The following MAF variants were observed in gnomAD, a reference collection of about 807,000 sequenced individuals.
MAF encodes MAF bZIP transcription factor, also known as transcription factor Maf.
A neutral mutation model predicts 22.0 loss-of-function variants in MAF; 10 were observed. That is an observed-to-expected ratio of 0.45 (90% confidence interval 0.28 to 0.77). The LOEUF is 0.77. Ranked by LOEUF, MAF falls within the 30% of genes least tolerant of loss-of-function variation. The pLI, the probability that MAF is intolerant of heterozygous loss-of-function variation, is 0.12. For synonymous variants in MAF, 337 were observed against 255.8 expected (o/e 1.32, Z -3.03); for missense variants, 544 against 548.4 (o/e 0.99, Z 0.08).
At chr16:79,400,169 A>G in the MAF span, among the ~76,000 whole-genome samples, 1 of 152,216 alleles carries the variant, frequency 6.6e-6, no homozygotes, top group East Asian at 1.9e-4. Context: ...AACATCCTAC[A>G]ATACACAGGG....
At chr16:79,374,277 G>A in the MAF span, among the ~76,000 whole-genome samples, 7 of 152,148 alleles carry the variant, frequency 4.6e-5, no homozygotes, top group East Asian at 1.9e-4. Context: ...TTTCCTCTCC[G>A]TTGCCTGAGC....
the MAF span, among the ~76,000 whole-genome samples, chr16:79,575,549 T>C: frequency 6.6e-6 from 1 of 152,266 alleles, no homozygotes; most frequent in Admixed American, 6.5e-5. Context: ...CAACCTCTGC[T>C]GAGGGTTTCA....
At chr16:79,442,718 T>C in the MAF span, among the ~76,000 whole-genome samples, 2 of 152,196 alleles carry the variant, frequency 1.3e-5, no homozygotes, top group African/African-American at 2.4e-5. Context: ...GGCTGAATCT[T>C]TTTCATATAA....
At chr16:79,228,740 G>A in the MAF span, among the ~76,000 whole-genome samples, 1 of 152,006 alleles carries the variant, frequency 6.6e-6, no homozygotes, top group African/African-American at 2.4e-5. Context: ...CACTTAGGCT[G>A]AGTTACAAGG....
chr16:79,346,081 G>A, the MAF span, among the ~76,000 whole-genome samples: 5,155 of 151,926 alleles, frequency 0.034, 279 homozygotes, highest in African/African-American at 0.12. Flanking sequence ...ACAATGTGCA[G>A]GTTTGTTACA....
chr16:79,251,216 G>C, the MAF span, among the ~76,000 whole-genome samples: 1 of 152,008 alleles, frequency 6.6e-6, no homozygotes, highest in Non-Finnish European at 1.5e-5. Flanking sequence ...TTGGAAATTT[G>C]GCCGCTGATT....
At chr16:79,360,464 C>T in the MAF span, among the ~76,000 whole-genome samples, 1 of 152,280 alleles carries the variant, frequency 6.6e-6, no homozygotes, top group Admixed American at 6.5e-5. Context: ...GTGCCAGTGC[C>T]GTCTCTGAGC....
the MAF span, among the ~76,000 whole-genome samples, chr16:79,397,030 G>A: frequency 1.3e-5 from 2 of 152,260 alleles, no homozygotes; most frequent in South Asian, 2.1e-4. Context: ...CTCTGAAGTC[G>A]GTTGACTCAT....
the MAF span, among the ~76,000 whole-genome samples, chr16:79,246,259 T>C: frequency 6.6e-6 from 1 of 152,080 alleles, no homozygotes; most frequent in South Asian, 2.1e-4. Flanking sequence ...CATTTTACAC[T>C]AAATCGTTAA....
chr16:79,429,673 C>A, the MAF span, among the ~76,000 whole-genome samples: 20 of 152,248 alleles, frequency 1.3e-4, 1 homozygote, highest in African/African-American at 3.9e-4. Context: ...TAAGCCTCCA[C>A]TCCCATGCAC....
the MAF span, among the ~76,000 whole-genome samples, chr16:79,319,795 T>C: frequency 3.3e-5 from 5 of 151,982 alleles, no homozygotes; most frequent in South Asian, 1.0e-3. Context: ...TATATTCCAG[T>C]TGAGGGAGAG....
the MAF span, among the ~76,000 whole-genome samples, chr16:79,409,070 A>T: frequency 1.3e-5 from 2 of 151,908 alleles, no homozygotes; most frequent in Non-Finnish European, 2.9e-5. Context: ...TGTGAACAGC[A>T]CCTGGAGTTG....
chr16:79,536,415 G>C, the MAF span, among the ~76,000 whole-genome samples: 2 of 152,192 alleles, frequency 1.3e-5, no homozygotes, highest in Non-Finnish European at 2.9e-5. Context: ...GGCCGAGGTG[G>C]GCAGATCACT....
chr16:79,299,353 A>AG, the MAF span, among the ~76,000 whole-genome samples: 1 of 151,118 alleles, frequency 6.6e-6, no homozygotes, highest in Non-Finnish European at 1.5e-5. Context: ...AAAAGAAAAA[A>AG]AAAAAAAAAG....
the MAF span, among the ~76,000 whole-genome samples, chr16:79,354,106 C>G: frequency 2.0e-5 from 3 of 152,236 alleles, no homozygotes; most frequent in Admixed American, 1.3e-4. Flanking sequence ...AGTAACCCCC[C>G]AGTTCAGCCT....
At chr16:79,465,428 C>T in the MAF span, among the ~76,000 whole-genome samples, 7 of 151,946 alleles carry the variant, frequency 4.6e-5, no homozygotes, top group Non-Finnish European at 1.0e-4. Flanking sequence ...CCAGTCTCTA[C>T]AAAAAATACA....
At chr16:79,219,423 C>T in the MAF span, among the ~76,000 whole-genome samples, 42 of 151,920 alleles carry the variant, frequency 2.8e-4, no homozygotes, top group African/African-American at 9.7e-4. Context: ...AGGTGGCGGG[C>T]GCCTGTAGTC....
chr16:79,297,944 T>G, the MAF span, among the ~76,000 whole-genome samples: 1 of 151,964 alleles, frequency 6.6e-6, no homozygotes. Flanking sequence ...GACCCAGGAG[T>G]TAATATTTGC....
the MAF span, among the ~76,000 whole-genome samples, chr16:79,472,827 G>C: frequency 1.3e-5 from 2 of 151,782 alleles, no homozygotes; most frequent in Non-Finnish European, 2.9e-5. Context: ...AAGAGAGAAA[G>C]AAAGAAAAAA....
Sources: allele counts gnomAD v4.1 joint callset (sites outside exome capture counted in the v4.1 genomes callset), GRCh38; gene constraint gnomAD v4.1.1; transcripts MANE v1.5; gene names NCBI Gene and HGNC (gene_info 2026-07-23, HGNC 2026-07-21).